Variants in UNC13C observed in about 807,000 individuals in gnomAD.
The protein encoded by UNC13C is unc-13 homolog C.
In UNC13C, 174 loss-of-function variants were observed where a neutral mutation model predicts 245.4. The observed-to-expected ratio is 0.71, with a 90% CI of 0.63 to 0.80. UNC13C has a LOEUF of 0.80. Ranked by LOEUF, UNC13C falls within the 30% of genes least tolerant of loss-of-function variation. The probability of loss-of-function intolerance (pLI) is 0.00; values close to 1 mark genes in which losing one functional copy is unlikely to be tolerated. For synonymous variants in UNC13C, 992 were observed against 895.1 expected (o/e 1.11, Z -1.93); for missense variants, 2,829 against 2,602.9 (o/e 1.09, Z -1.89).
At chr15:54,289,135 G>T (rs1399986969) in intron 10 of UNC13C, among the ~76,000 whole-genome samples, 3 of 151,976 alleles carry the variant, frequency 2.0e-5, no homozygotes, top group Non-Finnish European at 2.9e-5. Context: ...TCCAAATTAT[G>T]ATATTCTCAG....
At chr15:53,910,118 C>G in the UNC13C span, among the ~76,000 whole-genome samples, 9 of 140,546 alleles carry the variant, frequency 6.4e-5, no homozygotes, top group African/African-American at 2.3e-4. Context: ...GAATTAAAAA[C>G]TTTTTTTTTT....
upstream of UNC13C, among the ~76,000 whole-genome samples, chr15:53,977,863 CTG>C (rs1221727412): frequency 6.6e-6 from 1 of 152,200 alleles, no homozygotes; most frequent in Admixed American, 6.5e-5. Flanking sequence ...CTTTGCATCA[CTG>C]TAAGTTACCC....
In UNC13C at chr15:54,525,426, A is replaced by C. The variant is rs77473135; in HGVS notation, c.5458-123A>C. On this transcript the variant is annotated intron_variant, in intron 24 of 32. Transcript: ENST00000260323. ...ATTTCAAAGACCAAAAAAAAAAAAA[A>C]AGAAGAGAAAAAAGCTTACATGTTG... is the stretch of plus-strand genomic sequence containing the variant. 3 of 579,734 alleles carry C rather than the reference A, an allele frequency of 5.2e-6. No homozygotes were observed. In the Admixed American group the frequency reaches 1.1e-4, roughly 21 times the overall value. The allele number at this position is 579,734 out of a possible 1,614,324, so 35.9% of individuals were successfully genotyped here.
chr15:54,143,556 G>T, intron 3 of UNC13C, 64 bp from the exon 4 acceptor site: 6 of 1,381,430 alleles, frequency 4.3e-6, no homozygotes, highest in Non-Finnish European at 6.1e-6. Flanking sequence ...CCGATTTCGT[G>T]TACATAAAAC....
intron 12 of UNC13C, among the ~76,000 whole-genome samples, chr15:54,299,198 T>A (rs1008307183): frequency 6.6e-6 from 1 of 152,130 alleles, no homozygotes; most frequent in Non-Finnish European, 1.5e-5. Context: ...TTACAAAGTC[T>A]TTTCTACTGG....
At chr15:53,888,504 G>A in the UNC13C span, among the ~76,000 whole-genome samples, 1 of 152,142 alleles carries the variant, frequency 6.6e-6, no homozygotes, top group Non-Finnish European at 1.5e-5. Flanking sequence ...TAGGTTGCCT[G>A]ATCACTCTGA....
At chr15:54,552,494 A>C (rs1409822085) in intron 28 of UNC13C, among the ~76,000 whole-genome samples, 2 of 49,408 alleles carry the variant, frequency 4.0e-5, no homozygotes, top group Non-Finnish European at 6.1e-5. Context: ...TATATATTAT[A>C]TTATATATAA....
intron 13 of UNC13C, among the ~76,000 whole-genome samples, chr15:54,312,302 T>A (rs1392221697): frequency 6.6e-6 from 1 of 151,712 alleles, no homozygotes; most frequent in Non-Finnish European, 1.5e-5. Flanking sequence ...TTTGAATACG[T>A]GTTTGCTGAC....
chr15:54,361,544 A>G (rs2039231206), intron 17 of UNC13C, among the ~76,000 whole-genome samples: 1 of 152,274 alleles, frequency 6.6e-6, no homozygotes, highest in South Asian at 2.1e-4. Context: ...GTGATGTCAT[A>G]TTTCCCTGAG....
chr15:54,280,842 G>A (rs1034799642), intron 10 of UNC13C, among the ~76,000 whole-genome samples: 7 of 150,664 alleles, frequency 4.6e-5, no homozygotes, highest in Non-Finnish European at 1.0e-4. Context: ...CTGTCGCCCA[G>A]GCTAGAGCAC....
intron 1 of UNC13C, among the ~76,000 whole-genome samples, chr15:53,981,609 C>T (rs2140946641): frequency 6.6e-6 from 1 of 152,246 alleles, no homozygotes; most frequent in Admixed American, 6.5e-5. Context: ...TAGGCTCCAA[C>T]TTTCTTCTAG....
chr15:53,906,686 C>T, the UNC13C span, among the ~76,000 whole-genome samples: 2 of 152,132 alleles, frequency 1.3e-5, no homozygotes, highest in African/African-American at 4.8e-5. Flanking sequence ...TTCAGATGGC[C>T]ATACCCAGTA....
At chr15:54,304,008 A>T (rs1446974479) in intron 13 of UNC13C, among the ~76,000 whole-genome samples, 1 of 152,072 alleles carries the variant, frequency 6.6e-6, no homozygotes, top group Non-Finnish European at 1.5e-5. Flanking sequence ...AGGAAAGGCA[A>T]AACTCCTGTT....
At chr15:53,939,919 G>T in the UNC13C span, among the ~76,000 whole-genome samples, 1 of 152,112 alleles carries the variant, frequency 6.6e-6, no homozygotes, top group African/African-American at 2.4e-5. Context: ...AAGATGATGG[G>T]TTTATATTGG....
chr15:54,390,472 TAA>T lies in UNC13C; in HGVS notation c.4714-2574_4714-2573del, dbSNP rs1282405950. On this transcript the variant is annotated intron_variant, in intron 17 of 32. Transcript: ENST00000260323. Reference sequence around the variant, plus strand: ...CCATTATACCCTTACAGATTTTCTGTAAAGTCTGTTTCTTCAATAATCTATTA... The same window carrying T: ...CCATTATACCCTTACAGATTTTCTGTAGTCTGTTTCTTCAATAATCTATTA... Among the ~76,000 whole-genome samples, 7 of 152,124 alleles carry T rather than the reference TAA, an allele frequency of 4.6e-5. No homozygotes were observed. The South Asian group carries it at 1.5e-3, about 32-fold the overall frequency.
intron 18 of UNC13C, among the ~76,000 whole-genome samples, chr15:54,397,311 C>T (rs2040091082): frequency 6.6e-6 from 1 of 151,414 alleles, no homozygotes. Context: ...GCTTTGGCAT[C>T]TTGGAGAAAA....
chr15:54,057,250 A>C (rs946143080), intron 2 of UNC13C, among the ~76,000 whole-genome samples: 1 of 151,736 alleles, frequency 6.6e-6, no homozygotes, highest in Non-Finnish European at 1.5e-5. Flanking sequence ...GGCTCAAAAT[A>C]AAGGGATGGA....
intron 30 of UNC13C, among the ~76,000 whole-genome samples, chr15:54,574,345 T>G (rs1897873969): frequency 6.6e-6 from 1 of 152,168 alleles, no homozygotes; most frequent in African/African-American, 2.4e-5. Context: ...AATGCATTAC[T>G]TACAGTTTTA....
intron 26 of UNC13C, among the ~76,000 whole-genome samples, chr15:54,537,080 A>G (rs915215415): frequency 6.6e-6 from 1 of 152,130 alleles, no homozygotes; most frequent in African/African-American, 2.4e-5. Flanking sequence ...ACAAAACCCT[A>G]TAGTCTCTGC....
Sources: gnomAD v4.1 joint callset for allele counts (sites outside exome capture counted in the v4.1 genomes callset) on GRCh38, gnomAD v4.1.1 for gene constraint, MANE v1.5 for transcripts, NCBI Gene and HGNC (gene_info 2026-07-23, HGNC 2026-07-21) for gene names.